The following GPR158 variants were observed in gnomAD, a reference collection of about 807,000 sequenced individuals.
The protein encoded by GPR158 is metabotropic glycine receptor.
A neutral mutation model predicts 78.2 loss-of-function variants in GPR158; 30 were observed. The observed-to-expected ratio is 0.38, with a 90% CI of 0.29 to 0.52. GPR158 has a LOEUF of 0.52. Among genes scored for constraint, GPR158 ranks in the 20% least tolerant of loss-of-function variants. The pLI is 0.83. For synonymous variants in GPR158, 581 were observed against 591.1 expected (o/e 0.98, Z 0.25); for missense variants, 1,463 against 1,523.5 (o/e 0.96, Z 0.66).
intron 5 of GPR158, among the ~76,000 whole-genome samples, chr10:25,542,323 G>C (rs1044192613): frequency 6.6e-6 from 1 of 152,102 alleles, no homozygotes; most frequent in African/African-American, 2.4e-5. Flanking sequence ...AAAGAGATCA[G>C]GCCTAAACCA....
intron 2 of GPR158, among the ~76,000 whole-genome samples, chr10:25,329,765 C>T (rs1469189315): frequency 6.6e-6 from 1 of 151,016 alleles, no homozygotes; most frequent in East Asian, 1.9e-4. Context: ...CAAACCAGTA[C>T]TTCCAAACAC....
chr10:25,326,684 G>A (rs945637955), intron 2 of GPR158, among the ~76,000 whole-genome samples: 4 of 152,128 alleles, frequency 2.6e-5, no homozygotes, highest in African/African-American at 9.7e-5. Context: ...CTATCATACA[G>A]CATGGTGACT....
In GPR158 at chr10:25,599,441, C is replaced by A. The variant is rs1359474762; in HGVS notation, c.*167C>A. The stretch of plus-strand genomic sequence containing the variant: ...AAGAGGACCAGGGGGGCAAGAGCAA[C>A]AACGTCATAATGGAGAAGTCAGACT... On this transcript the variant is annotated 3_prime_UTR_variant, in exon 11 of 11. Coordinates refer to ENST00000376351, the MANE Select transcript of GPR158 (RefSeq NM_020752.3). The A allele has an allele frequency of 3.4e-6, 2 of 596,398 alleles. No individual in the cohort carries two copies. The highest frequency in any genetic ancestry group is 5.9e-6 in the Non-Finnish European group (2 of 339,944). 36.9% of individuals were successfully genotyped at this position (596,398 alleles called of 1,614,324 possible).
At chr10:25,325,831 G>A (rs920665144) in intron 2 of GPR158, among the ~76,000 whole-genome samples, 7 of 149,804 alleles carry the variant, frequency 4.7e-5, no homozygotes, top group African/African-American at 1.7e-4. Context: ...ATCTCATTGT[G>A]GTTTTTATTT....
intron 1 of GPR158, among the ~76,000 whole-genome samples, chr10:25,218,055 A>G (rs1853243345): frequency 1.3e-5 from 2 of 152,024 alleles, no homozygotes; most frequent in Admixed American, 6.5e-5. Context: ...GTGGGTCCTT[A>G]GGTGTTGGAT....
intron 4 of GPR158, among the ~76,000 whole-genome samples, chr10:25,458,144 G>A (rs1384882015): frequency 6.6e-6 from 1 of 151,970 alleles, no homozygotes; most frequent in African/African-American, 2.4e-5. Flanking sequence ...CTTCAAAAAG[G>A]TCTTATTAAA....
chr10:25,233,105 A>G (rs1853474821), intron 2 of GPR158, among the ~76,000 whole-genome samples: 1 of 152,256 alleles, frequency 6.6e-6, no homozygotes, highest in Non-Finnish European at 1.5e-5. Flanking sequence ...TTAGTGGGAT[A>G]AACATGCTCA....
chr10:25,186,505 A>G (rs1852687931), intron 1 of GPR158, among the ~76,000 whole-genome samples: 1 of 152,136 alleles, frequency 6.6e-6, no homozygotes, highest in Non-Finnish European at 1.5e-5. Context: ...AAGAGAGAAG[A>G]ATCAAATAGA....
At chr10:25,339,016 CTTTCTTTT>C (rs1855265476) in intron 2 of GPR158, among the ~76,000 whole-genome samples, 1 of 146,832 alleles carries the variant, frequency 6.8e-6, no homozygotes, top group Non-Finnish European at 1.5e-5. Context: ...TTCTTTCTTT[CTTTCTTTT>C]TTTTTTTTTT....
intron 5 of GPR158, among the ~76,000 whole-genome samples, chr10:25,497,581 G>A (rs1359188561): frequency 6.6e-6 from 1 of 152,022 alleles, no homozygotes; most frequent in Non-Finnish European, 1.5e-5. Context: ...CAAAAGATAG[G>A]ACTCTTCAGG....
At chr10:25,529,243 C>T (rs919444584) in intron 5 of GPR158, among the ~76,000 whole-genome samples, 31 of 152,036 alleles carry the variant, frequency 2.0e-4, no homozygotes, top group African/African-American at 6.0e-4. Context: ...AAAAATTAGC[C>T]GGGCGTGGTG....
At chr10:25,448,511 T>A (rs1298199220) in intron 4 of GPR158, among the ~76,000 whole-genome samples, 4 of 152,248 alleles carry the variant, frequency 2.6e-5, no homozygotes, top group African/African-American at 4.8e-5. Context: ...GTGCCTCTCT[T>A]TGCCTGTTGG....
Position 25,309,233 on chromosome 10 carries a change from G to C in GPR158, c.1009-86678G>C, listed in dbSNP as rs183693719. ...TTATTTTCTGTGTGTGTGTGTGTGTGTTTTCAATAGCTATCCTAATGGTGT... is the reference window on the plus strand; with the variant it reads ...TTATTTTCTGTGTGTGTGTGTGTGTCTTTTCAATAGCTATCCTAATGGTGT... On this transcript the variant is annotated intron_variant, in intron 2 of 10. Transcript: ENST00000376351. 3.9e-3 allele frequency among the ~76,000 whole-genome samples: 586 copies of C among 151,998 alleles called. 1 individual carries two copies. The highest frequency in any genetic ancestry group is 7.2e-3 in the Non-Finnish European group (489 of 67,924).
intron 2 of GPR158, among the ~76,000 whole-genome samples, chr10:25,369,901 T>A (rs1357509760): frequency 1.3e-5 from 2 of 151,544 alleles, no homozygotes; most frequent in East Asian, 3.9e-4. Context: ...CTTGGGAGAG[T>A]GTATGTGTCA....
At chr10:25,337,730 T>C (rs1166006424) in intron 2 of GPR158, among the ~76,000 whole-genome samples, 1 of 140,046 alleles carries the variant, frequency 7.1e-6, no homozygotes, top group African/African-American at 3.2e-5. Context: ...TCTAAAATGA[T>C]TGTATTTGAT....
rs185665676 is a variant in GPR158 at position 25,511,677 on chromosome 10, G to A, written c.1405-39299G>A. Among the ~76,000 whole-genome samples the A allele has an allele frequency of 2.2e-4, 33 of 152,154 alleles. No homozygotes were observed. The East Asian group carries it at 6.4e-3, about 29-fold the overall frequency. On this transcript the variant is annotated intron_variant, in intron 5 of 10. Transcript: ENST00000376351. ...AGAATTTTTATGGTTTCAGGTCTTA[G>A]ACTTAAGTCTTTGATCCATCTTGAG...
At chr10:25,315,916 G>A (rs1854841209) in intron 2 of GPR158, among the ~76,000 whole-genome samples, 1 of 152,090 alleles carries the variant, frequency 6.6e-6, no homozygotes. Flanking sequence ...TGCTAAAGAA[G>A]GGCTCATGGT....
In GPR158 at chr10:25,594,210, G is replaced by T. The variant is rs538254571; in HGVS notation, c.1893-82G>T. On this transcript the variant is annotated intron_variant, in intron 8 of 10. Coordinates refer to ENST00000376351, the MANE Select transcript of GPR158 (RefSeq NM_020752.3). ...CTTTTTCTTATTTTAATACAATGAGGAAAAAAGAGTTCCCAAGTAATCCTA... is the reference window on the plus strand; with the variant it reads ...CTTTTTCTTATTTTAATACAATGAGTAAAAAAGAGTTCCCAAGTAATCCTA... The T allele has an allele frequency of 1.2e-5, 9 of 765,146 alleles. No homozygotes were observed. The African/African-American group carries it at 1.4e-4, about 12-fold the overall frequency. 47.4% of individuals were successfully genotyped at this position (765,146 alleles called of 1,614,324 possible). A position where few individuals can be genotyped will look rare whatever the true frequency, so the allele number is the denominator to read the frequency against.
intron 1 of GPR158, among the ~76,000 whole-genome samples, chr10:25,185,265 T>C (rs1852666289): frequency 1.3e-5 from 2 of 152,228 alleles, no homozygotes; most frequent in Non-Finnish European, 2.9e-5. Context: ...TGCATATATT[T>C]ATGCTCATAT....
Sources: gnomAD v4.1 joint callset for allele counts (sites outside exome capture counted in the v4.1 genomes callset) on GRCh38, gnomAD v4.1.1 for gene constraint, MANE v1.5 for transcripts, NCBI Gene and HGNC (gene_info 2026-07-23, HGNC 2026-07-21) for gene names.